Variants in TJP1 observed in about 807,000 individuals in gnomAD.
The protein encoded by TJP1 is tight junction protein 1, also known as tight junction protein ZO-1.
TJP1 carries 43 observed loss-of-function variants against 194.2 expected under a neutral mutation model. The observed-to-expected ratio is 0.22, with a 90% confidence interval of 0.17 to 0.29. TJP1 has a LOEUF of 0.29. TJP1 is among the 10% of genes least tolerant of loss of function. The probability of loss-of-function intolerance (pLI) is 1.00; values close to 1 mark genes in which losing one functional copy is unlikely to be tolerated. For missense variants in TJP1, 1,971 were observed against 2,185.7 expected (o/e 0.90, Z 1.96); for synonymous variants, 801 against 779.0 (o/e 1.03, Z -0.47).
At chr15:29,777,351 A>G (rs2047080924) in intron 2 of TJP1, among the ~76,000 whole-genome samples, 1 of 152,206 alleles carries the variant, frequency 6.6e-6, no homozygotes, top group Non-Finnish European at 1.5e-5. Context: ...AGCGAAGAAG[A>G]TAAGAAATAC....
intron 2 of TJP1, among the ~76,000 whole-genome samples, chr15:29,783,545 T>C (rs1324233948): frequency 3.3e-5 from 5 of 152,228 alleles, no homozygotes; most frequent in African/African-American, 1.2e-4. Flanking sequence ...GCAGCACTAT[T>C]CGCAATAGCT....
At chr15:29,833,876 TATA>T (rs1233466018) in intron 2 of TJP1, among the ~76,000 whole-genome samples, 2,235 of 25,822 alleles carry the variant, frequency 0.087, 142 homozygotes, top group Non-Finnish European at 0.12. Context: ...TATATATATA[TATA>T]TATTTTTTTT....
chr15:29,876,924 C>T (rs1359805916), intron 2 of TJP1, among the ~76,000 whole-genome samples: 1 of 152,176 alleles, frequency 6.6e-6, no homozygotes, highest in African/African-American at 2.4e-5. Context: ...GCATACAACA[C>T]ACATTTATGA....
At position 29,870,000 on chromosome 15, in the gene TJP1, G is replaced by A. The variant is rs191314761; in HGVS notation, c.307-69298C>T. On this transcript the variant is annotated intron_variant, in intron 2 of 28. Transcript: ENST00000356107. ...TTTTTTGTATTTTTAGTACAGATGGGGTTTCACCATGTTGGCCAGACTCAC... is the reference window on the plus strand; with the variant it reads ...TTTTTTGTATTTTTAGTACAGATGGAGTTTCACCATGTTGGCCAGACTCAC... Among the ~76,000 whole-genome samples, 348 of 151,456 alleles carry A rather than the reference G, an allele frequency of 2.3e-3. 2 individuals are homozygous for A. The highest frequency in any genetic ancestry group is 8.1e-3 in the African/African-American group (335 of 41,286).
chr15:29,892,876 T>A (rs2053357607), intron 2 of TJP1, among the ~76,000 whole-genome samples: 1 of 152,236 alleles, frequency 6.6e-6, no homozygotes, highest in African/African-American at 2.4e-5. Context: ...AATATCCATG[T>A]GCAGCCCAGC....
chr15:29,949,969 A>C (rs1358549887), intron 2 of TJP1, among the ~76,000 whole-genome samples: 74 of 4,632 alleles, frequency 0.016, no homozygotes, highest in Admixed American at 0.031. Flanking sequence ...CCTCCACCAC[A>C]ACCATCTTCA....
intron 2 of TJP1, among the ~76,000 whole-genome samples, chr15:29,868,244 G>A (rs1305845742): frequency 6.6e-6 from 1 of 152,100 alleles, no homozygotes; most frequent in Non-Finnish European, 1.5e-5. Context: ...AGCGGCAATA[G>A]CTCCTAATTC....
chr15:29,772,659 G>C (rs1225423839), intron 3 of TJP1, among the ~76,000 whole-genome samples: 3 of 152,304 alleles, frequency 2.0e-5, no homozygotes, highest in South Asian at 4.1e-4. Flanking sequence ...CTGAAGGCTA[G>C]ATTCTACCCA....
intron 15 of TJP1, 165 bp from the exon 16 acceptor site, chr15:29,728,184 C>CT: frequency 2.2e-6 from 1 of 448,694 alleles, no homozygotes; most frequent in Non-Finnish European, 3.9e-6. Context: ...TGCATACTTC[C>CT]CTTTTTTTTT....
chr15:29,711,252 G>A (rs1327016413), intron 23 of TJP1, among the ~76,000 whole-genome samples: 1 of 152,178 alleles, frequency 6.6e-6, no homozygotes, highest in Non-Finnish European at 1.5e-5. Flanking sequence ...ACCAAAGGCA[G>A]GTGAAATTTT....
At position 29,766,267 on chromosome 15, in the gene TJP1, T is replaced by C. The variant is rs1207270483; in HGVS notation, c.588A>G (p.Glu196=). ...ACAGCAAGAGTTGGCAGAGAATACC[T>C]TCATTTTTCCGGGATTTCACCAGTG... ...KVTLVKSRKN[E]EYGLRLASHI... Residue 196 remains glutamate (E), a splice_region_variant and synonymous_variant, in exon 5 of 28, where the codon GAA becomes GAG. Coordinates refer to ENST00000614355, the MANE Select transcript of TJP1 (RefSeq NM_001330239.4). 6.2e-7 allele frequency: 1 copy of C among 1,607,072 alleles called. No homozygotes were observed. Among genetic ancestry groups the C allele is most frequent in the Admixed American group, 1.7e-5 (1 of 58,058 alleles).
chr15:29,956,390 A>G, intron 1 of TJP1: 1 of 1,283,590 alleles, frequency 7.8e-7, no homozygotes, highest in Non-Finnish European at 1.0e-6. Context: ...AAATTCTTAA[A>G]AAGGCAGGTT....
At chr15:29,942,368 T>C (rs376399867) in intron 2 of TJP1, among the ~76,000 whole-genome samples, 3 of 152,278 alleles carry the variant, frequency 2.0e-5, no homozygotes, top group East Asian at 3.9e-4. Context: ...CCGGTACCAC[T>C]CACAAGAATG....
chr15:29,832,483 G>A (rs1356418474), intron 2 of TJP1, among the ~76,000 whole-genome samples: 1 of 152,124 alleles, frequency 6.6e-6, no homozygotes, highest in Non-Finnish European at 1.5e-5. Context: ...TTTGTTACAT[G>A]GCAATGACTG....
At position 29,710,932 on chromosome 15, in the gene TJP1, G is replaced by T. The variant is rs779475445; in HGVS notation, c.4271C>A (p.Ala1424Asp). ...GGGCAATGGAGGAGGAGGGGGAGTG[G>T]CCTGGATGGGTTCATAGCGTTTCTC... ...FGEKRYEPIQATPPPPPLPSQ... is the reference protein window; with the variant it reads ...FGEKRYEPIQDTPPPPPLPSQ... Residue 1424 changes from alanine to aspartate, a missense_variant, in exon 24 of 28, where the codon GCC becomes GAC. Transcript: ENST00000614355. The T allele has an allele frequency of 1.9e-6, 3 of 1,614,102 alleles. No individual in the cohort carries two copies. Among genetic ancestry groups the T allele is most frequent in the East Asian group, 2.2e-5 (1 of 44,880 alleles).
chr15:29,917,504 G>A (rs1432016775), intron 2 of TJP1, among the ~76,000 whole-genome samples: 1 of 152,116 alleles, frequency 6.6e-6, no homozygotes, highest in Admixed American at 6.6e-5. Context: ...TTCAGAAGAT[G>A]GAAAATGAAT....
At chr15:29,964,664 C>T (rs1173309081) in intron 1 of TJP1, among the ~76,000 whole-genome samples, 1 of 152,130 alleles carries the variant, frequency 6.6e-6, no homozygotes, top group Non-Finnish European at 1.5e-5. Flanking sequence ...TACAGCAGCC[C>T]CTGAAAACAC....
chr15:29,809,109 CATG>C (rs1229320677), intron 1 of TJP1, among the ~76,000 whole-genome samples: 1 of 152,026 alleles, frequency 6.6e-6, no homozygotes, highest in African/African-American at 2.4e-5. Flanking sequence ...GCAAAATATA[CATG>C]ATATGTAAAA....
intron 18 of TJP1, 98 bp from the exon 19 acceptor site, chr15:29,720,806 G>C: frequency 1.0e-6 from 1 of 993,586 alleles, no homozygotes; most frequent in Non-Finnish European, 1.5e-6. Context: ...TCTTTCTCTG[G>C]AGAAGTCACA....
Sources: gnomAD v4.1 joint callset for allele counts (sites outside exome capture counted in the v4.1 genomes callset) on GRCh38, gnomAD v4.1.1 for gene constraint, MANE v1.5 for transcripts, NCBI Gene and HGNC (gene_info 2026-07-23, HGNC 2026-07-21) for gene names.